The following MTA3 variants were observed in gnomAD, a reference collection of about 807,000 sequenced individuals.
MTA3 encodes metastasis associated 1 family member 3, also known as metastasis-associated protein MTA3.
In MTA3, 34 loss-of-function variants were observed where a neutral mutation model predicts 83.5. That is an observed-to-expected ratio of 0.41 (90% confidence interval 0.31 to 0.54). The LOEUF (loss-of-function observed/expected upper bound fraction) is 0.54, where lower values mean the gene tolerates loss of function less well. MTA3 is among the 20% of genes least tolerant of loss of function. The pLI is 0.33. For missense variants in MTA3, 761 were observed against 726.4 expected (o/e 1.05, Z -0.55); for synonymous variants, 303 against 252.7 (o/e 1.20, Z -1.89).
At chr2:42,576,016 A>G (rs557967166) in intron 2 of MTA3, among the ~76,000 whole-genome samples, 15 of 152,300 alleles carry the variant, frequency 9.8e-5, no homozygotes, top group African/African-American at 3.6e-4. Context: ...ATATTTACAT[A>G]GGGTCTTTAT....
At chr2:42,646,752 T>A (rs747982903) in intron 6 of MTA3, among the ~76,000 whole-genome samples, 15 of 152,204 alleles carry the variant, frequency 9.9e-5, no homozygotes, top group Admixed American at 2.0e-4. Flanking sequence ...AATCTACTCC[T>A]GGTGAAGATG....
intron 3 of MTA3, among the ~76,000 whole-genome samples, chr2:42,594,207 C>T (rs1681397845): frequency 1.3e-5 from 2 of 150,070 alleles, no homozygotes; most frequent in Admixed American, 1.3e-4. Flanking sequence ...CTGCCTTGGC[C>T]TCCCAAAGTG....
At chr2:42,745,837 CAG>C (rs1217276599) in intron 16 of MTA3, among the ~76,000 whole-genome samples, 2 of 44,302 alleles carry the variant, frequency 4.5e-5, no homozygotes, top group Non-Finnish European at 9.0e-5. Context: ...TTTTTTGAGA[CAG>C]AGTCTCGCTC....
intron 2 of MTA3, among the ~76,000 whole-genome samples, chr2:42,524,481 T>TTTTTG (rs1553337472): frequency 2.1e-4 from 28 of 130,318 alleles, no homozygotes; most frequent in Admixed American, 4.9e-4. Context: ...TGTTTTTTTT[T>TTTTTG]TTTTTTTTTT....
upstream of MTA3, among the ~76,000 whole-genome samples, chr2:42,564,732 G>T (rs1405342940): frequency 1.3e-5 from 2 of 152,068 alleles, no homozygotes; most frequent in East Asian, 1.9e-4. Flanking sequence ...TCCTGTCCTG[G>T]GTTCAGTATG....
intron 3 of MTA3, among the ~76,000 whole-genome samples, chr2:42,579,863 G>T (rs1482464139): frequency 1.3e-5 from 2 of 151,998 alleles, no homozygotes; most frequent in African/African-American, 4.8e-5. Context: ...TGGTGGTTTT[G>T]TGAGGATACA....
chr2:42,747,725 A>G (rs1669547577), intron 16 of MTA3, among the ~76,000 whole-genome samples: 1 of 152,066 alleles, frequency 6.6e-6, no homozygotes, highest in Admixed American at 6.5e-5. Context: ...TGTAACTCCC[A>G]CAGAGCTTGT....
At chr2:42,619,762 G>A (rs1186957889) in intron 4 of MTA3, among the ~76,000 whole-genome samples, 1 of 151,940 alleles carries the variant, frequency 6.6e-6, no homozygotes. Context: ...TTTTCCGAGG[G>A]TTTATGAAAT....
chr2:42,586,293 A>G (rs1680269257), intron 3 of MTA3, among the ~76,000 whole-genome samples: 1 of 150,892 alleles, frequency 6.6e-6, no homozygotes, highest in Non-Finnish European at 1.5e-5. Flanking sequence ...AAAAAAAAAA[A>G]GAAAATTTAG....
chr2:42,731,700 C>G (rs1668241756), intron 16 of MTA3, among the ~76,000 whole-genome samples: 1 of 152,192 alleles, frequency 6.6e-6, no homozygotes, highest in African/African-American at 2.4e-5. Flanking sequence ...CTCCAAATCT[C>G]ATATCCTCAC....
At chr2:42,550,828 G>A (rs1677073670) in intron 2 of MTA3, among the ~76,000 whole-genome samples, 1 of 152,074 alleles carries the variant, frequency 6.6e-6, no homozygotes, top group African/African-American at 2.4e-5. Context: ...GATCAACTGA[G>A]GTCAGGAGTT....
chr2:42,549,065 T>A (rs1234563350), intron 2 of MTA3, among the ~76,000 whole-genome samples: 3 of 135,352 alleles, frequency 2.2e-5, no homozygotes, highest in Non-Finnish European at 4.6e-5. Flanking sequence ...TCCCAGCTAC[T>A]CGGAGGCTGA....
At position 42,570,091 on chromosome 2, in the gene MTA3, A is replaced by G. The variant is rs550871296; in HGVS notation, c.29-346A>G. Among the ~76,000 whole-genome samples the G allele has an allele frequency of 7.2e-4, 110 of 152,184 alleles. 1 individual carries two copies. The highest frequency in any genetic ancestry group is 2.5e-3 in the African/African-American group (105 of 41,508). On this transcript the variant is annotated intron_variant, in intron 1 of 16. Coordinates refer to ENST00000405094, the MANE Select transcript of MTA3 (RefSeq NM_001330442.2). The stretch of plus-strand genomic sequence containing the variant: ...GGGCAAATTGTATTGGAGGAAAAAG[A>G]TGTGGAAGTAGTTATAGTACAGAGG...
intron 3 of MTA3, among the ~76,000 whole-genome samples, chr2:42,602,041 A>G (rs1682643004): frequency 6.6e-6 from 1 of 152,158 alleles, no homozygotes. Context: ...GGGTCTTGCC[A>G]TGTTGGCCAG....
chr2:42,706,194 G>A (rs1666064667), intron 12 of MTA3, among the ~76,000 whole-genome samples: 3 of 152,210 alleles, frequency 2.0e-5, no homozygotes, highest in Middle Eastern at 3.4e-3. Context: ...GTTAATGGGT[G>A]CAGCACCCCA....
At chr2:42,526,722 A>C (rs1675724386) in intron 2 of MTA3, among the ~76,000 whole-genome samples, 1 of 152,068 alleles carries the variant, frequency 6.6e-6, no homozygotes, top group Admixed American at 6.6e-5. Flanking sequence ...GAAAGAGGCT[A>C]CCCTTCAAGA....
At chr2:42,742,418 C>T (rs1416991480) in intron 16 of MTA3, among the ~76,000 whole-genome samples, 4 of 152,132 alleles carry the variant, frequency 2.6e-5, no homozygotes, top group Non-Finnish European at 4.4e-5. Context: ...GGTTTACAGG[C>T]GTGAGTCACT....
intron 7 of MTA3, among the ~76,000 whole-genome samples, chr2:42,659,295 T>A (rs1689456935): frequency 6.6e-6 from 1 of 152,180 alleles, no homozygotes; most frequent in Non-Finnish European, 1.5e-5. Context: ...AGAAATCTGT[T>A]TCATGTTGAA....
upstream of MTA3, among the ~76,000 whole-genome samples, chr2:42,564,937 C>T (rs905838630): frequency 1.3e-4 from 19 of 151,878 alleles, no homozygotes; most frequent in African/African-American, 2.9e-4. Context: ...CCACCATGCC[C>T]GGCTAATTTT....
Sources: allele counts gnomAD v4.1 joint callset (sites outside exome capture counted in the v4.1 genomes callset), GRCh38; gene constraint gnomAD v4.1.1; transcripts MANE v1.5; gene names NCBI Gene and HGNC (gene_info 2026-07-23, HGNC 2026-07-21).